MARCO: variants seen among roughly 807,000 people sequenced by gnomAD.
MARCO encodes macrophage receptor with collagenous structure.
A neutral mutation model predicts 70.0 loss-of-function variants in MARCO; 72 were observed. The ratio of observed to expected loss-of-function variants is 1.03; its 90% CI spans 0.85 to 1.25. MARCO has a LOEUF of 1.25. MARCO is among the 50% of genes most tolerant of loss of function. The pLI, the probability that MARCO is intolerant of heterozygous loss-of-function variation, is 0.00. For missense variants in MARCO, 696 were observed against 659.3 expected, an observed-to-expected ratio of 1.06 and a Z score of -0.61; for synonymous variants, 273 against 243.1, an observed-to-expected ratio of 1.12 and a Z score of -1.14.
intron 1 of MARCO, among the ~76,000 whole-genome samples, chr2:118,966,723 C>T (rs1010734569): frequency 5.3e-5 from 8 of 152,212 alleles, no homozygotes; most frequent in African/African-American, 1.9e-4. Context: ...CAGCCTCTGA[C>T]TTCTGTAATA....
chr2:118,990,558 C>T (rs764095380), intron 12 of MARCO, 31 bp from the exon 13 acceptor site: 12 of 1,562,420 alleles, frequency 7.7e-6, no homozygotes, highest in Non-Finnish European at 1.0e-5. Flanking sequence ...TTATTATCTC[C>T]TCCCCCCCCC....
chr2:118,993,189 A>G lies in MARCO; in HGVS notation c.1318A>G (p.Ser440Gly). ...SNRGRAEVYY[S>G]GTWGTICDDE... ...CCGAGGCCGGGCTGAAGTTTACTAC[A>G]GTGGTACCTGGGGGACAATTTGCGA... Residue 440 changes from serine (S) to glycine (G), a missense_variant, in exon 16 of 17, where the codon AGT becomes GGT. Physicochemically the swap from Ser to Gly is moderately conservative, Grantham distance 56. Coordinates refer to ENST00000327097, the MANE Select transcript of MARCO (RefSeq NM_006770.4). 1.9e-6 allele frequency: 3 copies of G among 1,614,230 alleles called. No homozygotes were observed. Among genetic ancestry groups the G allele is most frequent in the East Asian group, 2.2e-5 (1 of 44,876 alleles).
At chr2:118,986,232 C>T (rs1680480381) in intron 12 of MARCO, among the ~76,000 whole-genome samples, 1 of 152,130 alleles carries the variant, frequency 6.6e-6, no homozygotes, top group Non-Finnish European at 1.5e-5. Flanking sequence ...ACCACAAGGT[C>T]GATTTGTCAG....
In MARCO at chr2:118,974,580, G is replaced by A. The variant is rs768525832; in HGVS notation, c.613+15G>A. On this transcript the variant is annotated intron_variant, in intron 6 of 16. Coordinates refer to ENST00000327097, the MANE Select transcript of MARCO (RefSeq NM_006770.4). Reference sequence around the variant, plus strand: ...GGGAGAGGCGGGTGAGTAGGTGCTGGGTATGTACCCAGAAATACACAGCAA... The same window carrying A: ...GGGAGAGGCGGGTGAGTAGGTGCTGAGTATGTACCCAGAAATACACAGCAA... 1.2e-6 allele frequency: 2 copies of A among 1,610,456 alleles called. No homozygotes were observed. Among genetic ancestry groups the A allele is most frequent in the Admixed American group, 1.7e-5 (1 of 59,702 alleles).
At chr2:118,978,946 C>G (rs544302538) in intron 8 of MARCO, among the ~76,000 whole-genome samples, 39 of 152,270 alleles carry the variant, frequency 2.6e-4, no homozygotes, top group African/African-American at 9.1e-4. Flanking sequence ...ATATGGCTCA[C>G]TAACTGTGTG....
chr2:118,987,475 A>T (rs1558672425), intron 12 of MARCO, among the ~76,000 whole-genome samples: 1 of 152,194 alleles, frequency 6.6e-6, no homozygotes, highest in Non-Finnish European at 1.5e-5. Flanking sequence ...TCTAATTTCC[A>T]ATACCCATTA....
chr2:118,962,987 AT>A (rs1381732795), intron 1 of MARCO, among the ~76,000 whole-genome samples: 1 of 151,684 alleles, frequency 6.6e-6, no homozygotes, highest in East Asian at 1.9e-4. Context: ...GTCTTCTTTC[AT>A]TTTTATTTTT....
At chr2:118,967,539 G>A (rs927389271) in intron 1 of MARCO, among the ~76,000 whole-genome samples, 10 of 152,222 alleles carry the variant, frequency 6.6e-5, no homozygotes, top group African/African-American at 1.7e-4. Context: ...CCTGGATTCT[G>A]GGGGGTAGGG....
At chr2:118,959,382 A>C (rs1227370523) in intron 1 of MARCO, among the ~76,000 whole-genome samples, 1 of 152,198 alleles carries the variant, frequency 6.6e-6, no homozygotes, top group African/African-American at 2.4e-5. Flanking sequence ...ATGTGAAAAA[A>C]TGCTCAACAT....
chr2:118,991,402 C>T (rs1160858860), intron 13 of MARCO, among the ~76,000 whole-genome samples: 1 of 152,082 alleles, frequency 6.6e-6, no homozygotes, highest in African/African-American at 2.4e-5. Flanking sequence ...CTTGGGATTA[C>T]AGGAGTAAGC....
At chr2:118,990,682 C>T (rs1558673876) in intron 13 of MARCO, 49 bp downstream of exon 13, 10 of 1,576,814 alleles carry the variant, frequency 6.3e-6, no homozygotes, top group Non-Finnish European at 7.8e-6. Context: ...ACGGGGAAGG[C>T]CTGCCTTCTC....
rs112033773 is a variant in MARCO at position 118,977,469 on chromosome 2, A to G, written c.614-2A>G. ...ACTGAGCTCTTTTTTCCTTCCTCAC[A>G]GGCCTCCAAGGACCCCAGGGTGCTC... On this transcript the variant is annotated splice_acceptor_variant, in intron 6 of 16. Coordinates refer to ENST00000327097, the MANE Select transcript of MARCO (RefSeq NM_006770.4). LOFTEE classifies it high-confidence loss of function. 1 of 1,613,560 alleles carries G rather than the reference A, an allele frequency of 6.2e-7. No individual in the cohort carries two copies.
chr2:118,968,716 T>C (rs969951337), intron 1 of MARCO, among the ~76,000 whole-genome samples: 1 of 152,258 alleles, frequency 6.6e-6, no homozygotes, highest in African/African-American at 2.4e-5. Flanking sequence ...CTGCTTCTTA[T>C]AACCTAATAA....
intron 1 of MARCO, among the ~76,000 whole-genome samples, chr2:118,965,342 C>A (rs928059640): frequency 6.6e-5 from 10 of 152,144 alleles, no homozygotes; most frequent in Admixed American, 2.0e-4. Context: ...CACTATTCAG[C>A]TCATCTACCA....
At chr2:118,994,306 C>G in intron 16 of MARCO, 81 bp from the exon 17 acceptor site, 1 of 1,518,924 alleles carries the variant, frequency 6.6e-7, no homozygotes, top group East Asian at 2.3e-5. Flanking sequence ...CAGATGGAAG[C>G]TCCCAGGCGC....
intron 12 of MARCO, among the ~76,000 whole-genome samples, chr2:118,987,882 G>A (rs984432052): frequency 6.6e-6 from 1 of 152,204 alleles, no homozygotes; most frequent in Non-Finnish European, 1.5e-5. Context: ...GAGGCTGGAG[G>A]TGTCTTGGGA....
chr2:118,992,913 G>GTAT, intron 15 of MARCO: 1 of 537,346 alleles, frequency 1.9e-6, no homozygotes, highest in African/African-American at 1.9e-5. Flanking sequence ...CTGCCCCTGT[G>GTAT]GCCTTGTGCC....
At chr2:118,950,800 C>CT (rs543084972) in intron 1 of MARCO, among the ~76,000 whole-genome samples, 8 of 142,238 alleles carry the variant, frequency 5.6e-5, no homozygotes, top group East Asian at 2.0e-4. Context: ...CCCCTCCCCC[C>CT]TTTTTTTTTC....
chr2:118,946,851 C>T (rs535312838), intron 1 of MARCO, among the ~76,000 whole-genome samples: 75 of 152,314 alleles, frequency 4.9e-4, no homozygotes, highest in African/African-American at 1.7e-3. Context: ...TTAAATGTAG[C>T]CATTCTCGTA....
Sources: allele counts gnomAD v4.1 joint callset (sites outside exome capture counted in the v4.1 genomes callset), GRCh38; gene constraint gnomAD v4.1.1; transcripts MANE v1.5; gene names NCBI Gene and HGNC (gene_info 2026-07-23, HGNC 2026-07-21).